Variants in PPFIA1 observed in about 807,000 individuals in gnomAD.
The protein encoded by PPFIA1 is PPFI scaffold protein A1, also known as liprin-alpha-1.
PPFIA1 carries 25 observed loss-of-function variants against 149.9 expected under a neutral mutation model. That is an observed-to-expected ratio of 0.17 (90% CI 0.12 to 0.23). PPFIA1 has a LOEUF of 0.23. PPFIA1 is among the 10% of genes least tolerant of loss of function. PPFIA1 has a pLI of 1.00. For synonymous variants in PPFIA1, 549 were observed against 552.8 expected, an observed-to-expected ratio of 0.99 and a Z score of 0.10; for missense variants, 1,362 against 1,506.5, an observed-to-expected ratio of 0.90 and a Z score of 1.59.
rs1403467535 is a variant in PPFIA1, at chr11:70,348,329, G to T, written c.2072G>T (p.Ser691Ile). The change falls in exon 16 of 28, where the codon AGC becomes ATC. Residue 691 changes from serine to isoleucine, a missense_variant. Coordinates refer to ENST00000253925, the MANE Select transcript of PPFIA1 (RefSeq NM_003626.5). ...IPPYPASSLA[S>I]SSPPGSGRST... ...CCCTACCCTGCTTCCTCGCTTGCTA[G>T]CTCCTCCCCTCCGGGCAGTGGGCGC... is the stretch of plus-strand genomic sequence containing the variant. 2 of 1,614,044 alleles carry T rather than the reference G, an allele frequency of 1.2e-6. No individual in the cohort carries two copies. Among genetic ancestry groups the T allele is most frequent in the Non-Finnish European group, 1.7e-6 (2 of 1,180,034 alleles).
chr11:70,367,611 A>G (rs1354834399), intron 21 of PPFIA1: 1 of 455,170 alleles, frequency 2.2e-6, no homozygotes, highest in South Asian at 1.6e-5. Context: ...AAGGCTGCTA[A>G]GGCAGCCCAG....
chr11:70,309,389 G>A (rs774364589), intron 2 of PPFIA1, among the ~76,000 whole-genome samples: 52 of 152,070 alleles, frequency 3.4e-4, no homozygotes, highest in Admixed American at 2.3e-3. Flanking sequence ...AGCTGGTCTC[G>A]AACTTGCGAC....
chr11:70,279,160 C>T (rs2050589471), intron 2 of PPFIA1: 2 of 538,928 alleles, frequency 3.7e-6, no homozygotes, highest in Admixed American at 2.6e-5. Context: ...GTCGCGCCCA[C>T]ACGTCCAGGA....
chr11:70,288,974 T>G (rs1346307198), intron 2 of PPFIA1, among the ~76,000 whole-genome samples: 2 of 150,780 alleles, frequency 1.3e-5, no homozygotes, highest in East Asian at 1.9e-4. Context: ...GTTGTTTTTT[T>G]TTTTTTTTTT....
chr11:70,324,539 G>T, intron 3 of PPFIA1, 36 bp downstream of exon 3: 1 of 1,522,302 alleles, frequency 6.6e-7, no homozygotes, highest in Non-Finnish European at 9.1e-7. Flanking sequence ...CCTGCCCCTG[G>T]AGCCACTGTC....
intron 2 of PPFIA1, among the ~76,000 whole-genome samples, chr11:70,290,099 G>A (rs961708909): frequency 1.3e-5 from 2 of 152,028 alleles, no homozygotes; most frequent in African/African-American, 4.8e-5. Context: ...GCTTGGTGGT[G>A]CACATCTGTA....
At chr11:70,371,482 T>G in intron 21 of PPFIA1, 1 of 158,162 alleles carries the variant, frequency 6.3e-6, no homozygotes, top group African/African-American at 2.4e-5. Context: ...TTGGGTGGCG[T>G]GTTCTATCTT....
chr11:70,292,574 G>A (rs958019407), intron 2 of PPFIA1, among the ~76,000 whole-genome samples: 1 of 152,212 alleles, frequency 6.6e-6, no homozygotes, highest in African/African-American at 2.4e-5. Flanking sequence ...TGTCTACTGT[G>A]TGTAAGGTAC....
intron 21 of PPFIA1, among the ~76,000 whole-genome samples, chr11:70,370,934 AC>A (rs2057203630): frequency 6.6e-6 from 1 of 152,094 alleles, no homozygotes; most frequent in South Asian, 2.1e-4. Context: ...GGAGTTTGAG[AC>A]CAGTCTGCCC....
chr11:70,315,194 A>G (rs948041645), intron 2 of PPFIA1, among the ~76,000 whole-genome samples: 1 of 152,100 alleles, frequency 6.6e-6, no homozygotes, highest in African/African-American at 2.4e-5. Context: ...GTAATCTGTT[A>G]TACGCAAATA....
Position 70,327,391 on chromosome 11 carries a change from A to G in PPFIA1, c.930+573A>G, listed in dbSNP as rs1412599843. 2.0e-5 allele frequency among the ~76,000 whole-genome samples: 3 copies of G among 152,358 alleles called. No homozygotes were observed. The East Asian group carries it at 5.8e-4, about 29-fold the overall frequency. On this transcript the variant is annotated intron_variant, in intron 7 of 27. Transcript: ENST00000253925. ...AATCAAGAGTGGAATTTGCTTCTAC[A>G]TGGGTCATCAGGATCGTATAGCAAA...
intron 2 of PPFIA1, among the ~76,000 whole-genome samples, chr11:70,300,984 C>G (rs547956735): frequency 1.2e-4 from 18 of 152,294 alleles, no homozygotes; most frequent in African/African-American, 4.1e-4. Context: ...CATGGGTTTA[C>G]TGTGTAAACA....
chr11:70,339,477 G>GTTTTGT (rs143240286), intron 14 of PPFIA1, among the ~76,000 whole-genome samples, 171 bp downstream of exon 14: 8 of 152,058 alleles, frequency 5.3e-5, no homozygotes, highest in East Asian at 1.9e-4. Flanking sequence ...TTAAAATAGG[G>GTTTTGT]TTTTGTTTTT....
rs769933389 is a variant in PPFIA1, at chr11:70,356,214, T to C, written c.2542T>C (p.Leu848=). 10 of 1,613,910 alleles carry C rather than the reference T, an allele frequency of 6.2e-6. No homozygotes were observed. The highest frequency in any genetic ancestry group is 8.5e-6 in the Non-Finnish European group (10 of 1,180,006). Residue 848 remains leucine, a synonymous_variant, in exon 19 of 28, where the codon TTG becomes CTG. Transcript: ENST00000253925. Reference sequence around the variant, plus strand: ...TCAGGATGCCTTGGGACTTAGCAAATTGGGGGGACAGGCTGAAAAAAATCG... The same window carrying C: ...TCAGGATGCCTTGGGACTTAGCAAACTGGGGGGACAGGCTGAAAAAAATCG... ...SSQDALGLSK[L]GGQAEKNRKL...
intron 9 of PPFIA1, 132 bp downstream of exon 9, chr11:70,332,226 C>T: frequency 2.7e-6 from 3 of 1,094,518 alleles, no homozygotes; most frequent in Non-Finnish European, 3.7e-6. Flanking sequence ...GGTTTGAGTG[C>T]TCTTTCATCT....
At chr11:70,334,352 A>G (rs904364723) in intron 10 of PPFIA1, 2 of 152,120 alleles carry the variant, frequency 1.3e-5, no homozygotes, top group Non-Finnish European at 2.9e-5. Context: ...TTTTGTTTTC[A>G]CCAGAAATCT....
chr11:70,326,464 G>A, intron 6 of PPFIA1, 101 bp downstream of exon 6: 1 of 1,289,616 alleles, frequency 7.8e-7, no homozygotes, highest in Non-Finnish European at 1.1e-6. Flanking sequence ...GCTTAGAGCT[G>A]AAGTGGTCAT....
intron 2 of PPFIA1, among the ~76,000 whole-genome samples, chr11:70,283,312 T>G (rs913509685): frequency 1.3e-5 from 2 of 152,230 alleles, no homozygotes; most frequent in African/African-American, 4.8e-5. Context: ...AGAAGACCTC[T>G]TGCTTGAAGA....
chr11:70,349,542 AC>A (rs1385655273), intron 16 of PPFIA1, among the ~76,000 whole-genome samples: 1 of 152,130 alleles, frequency 6.6e-6, no homozygotes, highest in African/African-American at 2.4e-5. Context: ...TCATATTTAC[AC>A]CATTTGCTTT....
Sources: gnomAD v4.1 joint callset for allele counts (sites outside exome capture counted in the v4.1 genomes callset) on GRCh38, gnomAD v4.1.1 for gene constraint, MANE v1.5 for transcripts, NCBI Gene and HGNC (gene_info 2026-07-23, HGNC 2026-07-21) for gene names.